TMC6: variants seen among roughly 807,000 people sequenced by gnomAD.
The protein encoded by TMC6 is transmembrane channel like 6, also known as transmembrane channel-like protein 6.
TMC6 carries 71 observed loss-of-function variants against 95.4 expected under a neutral mutation model. The observed-to-expected ratio is 0.74, with a 90% CI of 0.61 to 0.91. TMC6 has a LOEUF of 0.91. TMC6 is among the 40% of genes least tolerant of loss of function. TMC6 has a pLI of 0.00. For synonymous variants in TMC6, 514 were observed against 483.1 expected (o/e 1.06, Z -0.84); for missense variants, 1,074 against 1,079.1 (o/e 1.00, Z 0.07).
At position 78,125,002 on chromosome 17, in the gene TMC6, C is replaced by A; in HGVS notation, c.537-17G>T. ...CTCTTCTCTCTGGGGACAGAGGCAG[C>A]CATAGGTGCCTGGACCAATGAGGGG... is the stretch of plus-strand genomic sequence containing the variant. On this transcript the variant is annotated splice_polypyrimidine_tract_variant and intron_variant, in intron 6 of 19. Coordinates refer to ENST00000590602, the MANE Select transcript of TMC6 (RefSeq NM_001127198.5). 6.4e-7 allele frequency: 1 copy of A among 1,571,602 alleles called. No individual in the cohort carries two copies. The highest frequency in any genetic ancestry group is 8.6e-7 in the Non-Finnish European group (1 of 1,161,994).
In TMC6 at chr17:78,109,683, G is replaced by C. The variant is rs764678527; in HGVS notation, c.*3465C>G. ...CCCAAGCCCACGGGCGTGAGTGCAT[G>C]CATGCGTTTGTGACAGCCTGGTGCT... On this transcript the variant is annotated 3_prime_UTR_variant, in exon 20 of 20. Transcript: ENST00000590602. The C allele has an allele frequency of 3.3e-5, 13 of 395,564 alleles. No homozygotes were observed. Among genetic ancestry groups the C allele is most frequent in the Admixed American group, 1.1e-4 (4 of 36,360 alleles). The allele number at this position is 395,564 out of a possible 1,614,324, so 24.5% of individuals were successfully genotyped here. A position where few individuals can be genotyped will look rare whatever the true frequency, so the allele number is the denominator to read the frequency against.
upstream of TMC6, chr17:78,128,886 A>C (rs993744128): frequency 1.4e-5 from 2 of 147,858 alleles, no homozygotes; most frequent in African/African-American, 5.0e-5. The surrounding 1 kb of genome is among the most constrained non-coding windows in gnomAD (Gnocchi z 4.0). Flanking sequence ...CGCGGCGACT[A>C]TGCCTTCCTC....
upstream of TMC6, chr17:78,131,304 G>C (rs1372476257): frequency 3.6e-6 from 2 of 555,136 alleles, no homozygotes; most frequent in Non-Finnish European, 6.5e-6. Context: ...GGCCGTGGCT[G>C]TGTGTCCCTC....
At chr17:78,129,660 G>C (rs2074908948), upstream of TMC6, among the ~76,000 whole-genome samples, 1 of 152,176 alleles carries the variant, frequency 6.6e-6, no homozygotes, top group Non-Finnish European at 1.5e-5. This position sits in a 1 kb window ranked among gnomAD's most constrained non-coding sequence, Gnocchi z 4.3. Flanking sequence ...CCAGGCAGGG[G>C]TCAAGGCTGG....
chr17:78,131,657 G>A (rs35748721), upstream of TMC6: 12,185 of 1,565,190 alleles, frequency 7.8e-3, 59 homozygotes, highest in Non-Finnish European at 8.7e-3. Flanking sequence ...AGCTGTGGGA[G>A]GCAGAGATGG....
Position 78,121,239 on chromosome 17 carries a change from C to CG in TMC6, c.1384-76dup. On this transcript the variant is annotated intron_variant, in intron 11 of 19. Transcript: ENST00000590602. This position sits in a 1 kb window ranked among gnomAD's most constrained non-coding sequence, Gnocchi z 5.6. ...GAGCGGGCAGCTACAGGGAAGGGCC[C>CG]GGGGTGGAACTGGCAGGTAGCACCT... 6.5e-7 allele frequency: 1 copy of CG among 1,538,418 alleles called. No homozygotes were observed. Among genetic ancestry groups the CG allele is most frequent in the Non-Finnish European group, 8.7e-7 (1 of 1,145,560 alleles).
chr17:78,125,265 T>G lies in TMC6; in HGVS notation c.431-2A>C. ...CCTTCACCAGGAGGCTCTGCTTCTC[T>G]GCGAGAGGGAGAGGGAGGTCCTGCC... On this transcript the variant is annotated splice_acceptor_variant, in intron 5 of 19. Coordinates refer to ENST00000590602, the MANE Select transcript of TMC6 (RefSeq NM_001127198.5). LOFTEE classifies it high-confidence loss of function. 2 of 1,564,620 alleles carry G rather than the reference T, an allele frequency of 1.3e-6. No individual in the cohort carries two copies. Among genetic ancestry groups the G allele is most frequent in the Non-Finnish European group, 1.7e-6 (2 of 1,154,094 alleles).
In TMC6 at chr17:78,128,691, T is replaced by G. The variant is rs928058866; in HGVS notation, c.-154A>C. On this transcript the variant is annotated 5_prime_UTR_variant, in exon 1 of 20. Transcript: ENST00000590602. This position sits in a 1 kb window ranked among gnomAD's most constrained non-coding sequence, Gnocchi z 4.0. ...CCGCAAGAGCCGCCGGGAACTGAGG[T>G]CTCGGCTCTCCTTGCCAAGGGAGTG... 6.6e-6 allele frequency: 1 copy of G among 150,588 alleles called. No individual in the cohort carries two copies. 9.3% of individuals were successfully genotyped at this position (150,588 alleles called of 1,614,324 possible). A position where few individuals can be genotyped will look rare whatever the true frequency, so the allele number is the denominator to read the frequency against.
Position 78,126,926 on chromosome 17 carries a change from G to C in TMC6, c.-74-20C>G, listed in dbSNP as rs905101123. 3.4e-6 allele frequency: 5 copies of C among 1,458,758 alleles called. No individual in the cohort carries two copies. Among genetic ancestry groups the C allele is most frequent in the African/African-American group, 2.8e-5 (2 of 71,360 alleles). 90.4% of individuals were successfully genotyped at this position (1,458,758 alleles called of 1,614,324 possible). A position where few individuals can be genotyped will look rare whatever the true frequency, so the allele number is the denominator to read the frequency against. ...CCCCATCTGATGAGACAGGGGCACA[G>C]AGCCAGGGGTGGTCTTCAACGCCTG... On this transcript the variant is annotated intron_variant, in intron 1 of 19. Coordinates refer to ENST00000590602, the MANE Select transcript of TMC6 (RefSeq NM_001127198.5).
At position 78,111,906 on chromosome 17, in the gene TMC6, C is replaced by G. The variant is rs903021336; in HGVS notation, c.*1242G>C. The G allele has an allele frequency of 3.6e-4, 83 of 233,716 alleles. 1 individual carries two copies. The highest frequency in any genetic ancestry group is 2.3e-4 in the Non-Finnish European group (26 of 115,532). The allele number at this position is 233,716 out of a possible 1,614,324, so 14.5% of individuals were successfully genotyped here. A position where few individuals can be genotyped will look rare whatever the true frequency, so the allele number is the denominator to read the frequency against. ...AACCCTGCGCCGTGACGGGCTGGTC[C>G]CCACAGACCTGGAGCACTGGGGTCA... On this transcript the variant is annotated 3_prime_UTR_variant, in exon 20 of 20. Transcript: ENST00000590602.
rs777258969 is a variant in TMC6, at chr17:78,121,679, G to A, written c.1260C>T (p.Ser420=). ...GCAGCCTCCCGCACACGCTCCTGGG[G>A]CTGTGCCGCAGCTGCCACTCGGCCA... The part of the protein sequence containing the change: ...ELLAEWQLRH[S]PRSVCGRLRQ... The change falls in exon 11 of 20, where the codon AGC becomes AGT. Residue 420 remains serine (S), a synonymous_variant. Coordinates refer to ENST00000590602, the MANE Select transcript of TMC6 (RefSeq NM_001127198.5). The surrounding 1 kb of genome is among the most constrained non-coding windows in gnomAD (Gnocchi z 5.6). 2.5e-6 allele frequency: 4 copies of A among 1,593,894 alleles called. No individual in the cohort carries two copies. In the Admixed American group the frequency reaches 7.0e-5, roughly 28 times the overall value.
At position 78,119,286 on chromosome 17, in the gene TMC6, A is replaced by G. The variant is rs752991297; in HGVS notation, c.1811+11T>C. 8 of 1,613,860 alleles carry G rather than the reference A, an allele frequency of 5.0e-6. 1 individual carries two copies. The South Asian group carries it at 7.7e-5, about 16-fold the overall frequency. On this transcript the variant is annotated intron_variant, in intron 14 of 19. Transcript: ENST00000590602. ...GGGCCAGACAGTAGGAGGCAAGCAG[A>G]GGACCCTCACCAGGTCAGAGTCTGC... is the stretch of plus-strand genomic sequence containing the variant.
rs2073869895 is a variant in TMC6 at position 78,113,041 on chromosome 17, G to A, written c.*107C>T. ...CAGCCTAGGCGCAGCTGCGGCTTTCGAGAGGCGAAACTGTCTTCCTTGTCC... is the reference window on the plus strand; with the variant it reads ...CAGCCTAGGCGCAGCTGCGGCTTTCAAGAGGCGAAACTGTCTTCCTTGTCC... On this transcript the variant is annotated 3_prime_UTR_variant, in exon 20 of 20. Transcript: ENST00000590602. 14 of 1,375,494 alleles carry A rather than the reference G, an allele frequency of 1.0e-5. No individual in the cohort carries two copies. Among genetic ancestry groups the A allele is most frequent in the African/African-American group, 1.4e-5 (1 of 69,550 alleles). 85.2% of individuals were successfully genotyped at this position (1,375,494 alleles called of 1,614,324 possible).
chr17:78,109,201 C>T lies in TMC6; in HGVS notation c.*3947G>A, dbSNP rs1231396336. ...CAGTGCCCAGCAGCTAGCAGTGTGG[C>T]GTGCCAAGAAGGCTGTTCCAATGGG... is the stretch of plus-strand genomic sequence containing the variant. On this transcript the variant is annotated 3_prime_UTR_variant, in exon 20 of 20. Transcript: ENST00000590602. 12 of 340,572 alleles carry T rather than the reference C, an allele frequency of 3.5e-5. No homozygotes were observed. The highest frequency in any genetic ancestry group is 9.0e-5 in the South Asian group (4 of 44,612). The allele number at this position is 340,572 out of a possible 1,614,324, so 21.1% of individuals were successfully genotyped here.
In TMC6 at chr17:78,116,381, T is replaced by C. The variant is rs369419400; in HGVS notation, c.2277+888A>G. Among the ~76,000 whole-genome samples, 3 of 149,210 alleles carry C rather than the reference T, an allele frequency of 2.0e-5. No homozygotes were observed. In the South Asian group the frequency reaches 6.5e-4, roughly 32 times the overall value. On this transcript the variant is annotated intron_variant, in intron 18 of 19. Transcript: ENST00000590602. ...AGCCTCAACCTGGGCTCAAGCAATC[T>C]CCTCCCTCAGCCTCCCAAGTAGCTG... is the stretch of plus-strand genomic sequence containing the variant.
intron 5 of TMC6, 67 bp downstream of exon 5, chr17:78,125,659 G>A: frequency 6.5e-7 from 1 of 1,542,640 alleles, no homozygotes; most frequent in Non-Finnish European, 8.7e-7. Flanking sequence ...GCCCAGGCCA[G>A]GCTGGCCTCT....
intron 18 of TMC6, among the ~76,000 whole-genome samples, chr17:78,115,608 G>A (rs1462617361): frequency 1.3e-5 from 2 of 148,264 alleles, no homozygotes; most frequent in Non-Finnish European, 3.0e-5. Flanking sequence ...GGTCCTCCTG[G>A]GCAGAGAGGA....
Position 78,126,658 on chromosome 17 carries a change from G to A in TMC6, c.57-10C>T, listed in dbSNP as rs1178340116. ...GGGGCTGGGGCCCTGGCTGCAGAGGGGGTTGGCGGGGGGGTCAGGCTCCAG... is the reference window on the plus strand; with the variant it reads ...GGGGCTGGGGCCCTGGCTGCAGAGGAGGTTGGCGGGGGGGTCAGGCTCCAG... On this transcript the variant is annotated splice_polypyrimidine_tract_variant and intron_variant, in intron 2 of 19. Coordinates refer to ENST00000590602, the MANE Select transcript of TMC6 (RefSeq NM_001127198.5). 5 of 1,612,766 alleles carry A rather than the reference G, an allele frequency of 3.1e-6. No homozygotes were observed. In the African/African-American group the frequency reaches 4.0e-5, roughly 13 times the overall value.
At chr17:78,125,936 C>T (rs2074689963) in intron 4 of TMC6, 52 bp from the exon 5 acceptor site, 2 of 1,548,604 alleles carry the variant, frequency 1.3e-6, no homozygotes, top group Non-Finnish European at 1.7e-6. Context: ...GCCTCCCTCC[C>T]CTCAGGATGG....
Sources: allele counts gnomAD v4.1 joint callset (sites outside exome capture counted in the v4.1 genomes callset), GRCh38; gene constraint gnomAD v4.1.1; non-coding constraint Gnocchi (gnomAD v3.1); transcripts MANE v1.5; gene names NCBI Gene and HGNC (gene_info 2026-07-23, HGNC 2026-07-21).